Variants in ATP9B observed in about 807,000 individuals in gnomAD.
ATP9B encodes probable phospholipid-transporting ATPase IIB.
ATP9B carries 110 observed loss-of-function variants against 146.1 expected under a neutral mutation model. The observed-to-expected ratio is 0.75, with a 90% CI of 0.65 to 0.88. ATP9B has a LOEUF of 0.88. ATP9B is among the 40% of genes least tolerant of loss of function. ATP9B has a pLI of 0.00. For missense variants in ATP9B, 1,499 were observed against 1,496.4 expected, an observed-to-expected ratio of 1.00 and a Z score of -0.03; for synonymous variants, 604 against 569.7, an observed-to-expected ratio of 1.06 and a Z score of -0.86.
intron 2 of ATP9B, among the ~76,000 whole-genome samples, chr18:79,103,083 C>T (rs1390885558): frequency 2.6e-5 from 4 of 152,092 alleles, no homozygotes; most frequent in African/African-American, 9.7e-5. Flanking sequence ...TTACTTCTTC[C>T]GTTATGGTCT....
intron 6 of ATP9B, chr18:79,146,866 A>G (rs955440298): frequency 6.6e-6 from 1 of 152,620 alleles, no homozygotes; most frequent in Non-Finnish European, 1.5e-5. Context: ...CTGAAAACAA[A>G]TAATAAAATG....
rs374399307 is a variant in ATP9B, at chr18:79,099,382, C to T, written c.293+2733C>T. Among the ~76,000 whole-genome samples the T allele has an allele frequency of 8.2e-4, 125 of 152,122 alleles. 2 individuals carry two copies. Among genetic ancestry groups the T allele is most frequent in the African/African-American group, 1.2e-3 (50 of 41,514 alleles). ...GACTACAGATGTGCACCAGCATCCC[C>T]GGCTAATTTTTGTATTTTTAGTAGA... On this transcript the variant is annotated intron_variant, in intron 2 of 29. Coordinates refer to ENST00000426216, the MANE Select transcript of ATP9B (RefSeq NM_198531.5).
chr18:79,340,963 G>C (rs1050947007), intron 19 of ATP9B, among the ~76,000 whole-genome samples: 1 of 152,188 alleles, frequency 6.6e-6, no homozygotes, highest in Non-Finnish European at 1.5e-5. Context: ...GGAATCCTTT[G>C]TGGTAGGCAC....
chr18:79,311,737 C>T (rs758539679), intron 15 of ATP9B, among the ~76,000 whole-genome samples: 25 of 152,240 alleles, frequency 1.6e-4, no homozygotes, highest in Admixed American at 3.9e-4. Flanking sequence ...ACTCATCTCC[C>T]CTCAGACTCT....
At chr18:79,138,543 C>T (rs1027347260) in intron 5 of ATP9B, among the ~76,000 whole-genome samples, 1 of 152,154 alleles carries the variant, frequency 6.6e-6, no homozygotes, top group African/African-American at 2.4e-5. Context: ...AGTAATTTGG[C>T]AATGAGTCTA....
intron 7 of ATP9B, among the ~76,000 whole-genome samples, chr18:79,155,753 CTTTTTTTTTTTTTT>C (rs56002235): frequency 9.5e-5 from 7 of 74,074 alleles, no homozygotes; most frequent in East Asian, 4.8e-4. Context: ...TGTTTTCTCT[CTTTTTTTTTTTTTT>C]TTTTTTTTTT....
intron 25 of ATP9B, among the ~76,000 whole-genome samples, chr18:79,356,980 T>C (rs866274362): frequency 4.6e-4 from 3 of 6,516 alleles, no homozygotes; most frequent in East Asian, 0.042. Flanking sequence ...TGGAGGTGTC[T>C]GTGTGAGGGG....
At chr18:79,168,279 C>G (rs948119141) in intron 7 of ATP9B, among the ~76,000 whole-genome samples, 7 of 152,086 alleles carry the variant, frequency 4.6e-5, no homozygotes, top group Non-Finnish European at 8.8e-5. Flanking sequence ...TGGCTGCATC[C>G]TGCGGGGGGA....
intron 15 of ATP9B, among the ~76,000 whole-genome samples, chr18:79,327,633 C>CT (rs2096760530): frequency 4.4e-5 from 2 of 45,684 alleles, no homozygotes; most frequent in Admixed American, 2.6e-4. Context: ...GTTAGTGTGC[C>CT]CTCCCTGGTT....
At chr18:79,376,174 C>CAA (rs2097100813) in intron 29 of ATP9B, 1 of 309,662 alleles carries the variant, frequency 3.2e-6, no homozygotes, top group Admixed American at 1.9e-4. Flanking sequence ...ACCTTAGAAA[C>CAA]ACACACACAC....
chr18:79,334,618 TG>T (rs145757299), intron 17 of ATP9B, among the ~76,000 whole-genome samples: 3,681 of 151,910 alleles, frequency 0.024, 122 homozygotes, highest in African/African-American at 0.077. Context: ...CGACACCCCC[TG>T]GGGCTGTCCG....
intron 12 of ATP9B, among the ~76,000 whole-genome samples, chr18:79,269,038 G>A (rs749595087): frequency 3.9e-5 from 6 of 152,138 alleles, no homozygotes; most frequent in Non-Finnish European, 8.8e-5. Flanking sequence ...GTTGAGGTAC[G>A]ATGTTTCTTT....
chr18:79,118,762 CA>C (rs750685206), intron 4 of ATP9B, among the ~76,000 whole-genome samples: 12 of 151,874 alleles, frequency 7.9e-5, no homozygotes, highest in Admixed American at 3.9e-4. Flanking sequence ...ATAGCTTTCA[CA>C]GTTGTATTTA....
chr18:79,191,971 A>T (rs2095371018), intron 8 of ATP9B, among the ~76,000 whole-genome samples: 1 of 152,056 alleles, frequency 6.6e-6, no homozygotes, highest in South Asian at 2.1e-4. Context: ...GTTCTGTTTT[A>T]ACTGGTAGCT....
rs908877574 is a variant in ATP9B at position 79,298,516 on chromosome 18, A to C, written c.1412-5088A>C. ...ATGGACCTCAAGTCTCCACACACTA[A>C]AAATGTCACTTCTCTTTTCGATATT... On this transcript the variant is annotated intron_variant, in intron 13 of 29. Coordinates refer to ENST00000426216, the MANE Select transcript of ATP9B (RefSeq NM_198531.5). Among the ~76,000 whole-genome samples the C allele has an allele frequency of 2.0e-5, 3 of 146,942 alleles. 1 individual carries two copies. Among genetic ancestry groups the C allele is most frequent in the Non-Finnish European group, 4.5e-5 (3 of 66,198 alleles).
chr18:79,243,591 G>A (rs765093403), intron 11 of ATP9B, among the ~76,000 whole-genome samples: 5 of 152,200 alleles, frequency 3.3e-5, no homozygotes, highest in Admixed American at 6.5e-5. Context: ...ACTAGGTCCT[G>A]TAACATCTCT....
chr18:79,342,407 G>A (rs761848479), intron 20 of ATP9B, 41 bp downstream of exon 20: 3 of 1,391,458 alleles, frequency 2.2e-6, no homozygotes, highest in Non-Finnish European at 3.0e-6. Context: ...TTAAACATTT[G>A]TCTCACACAA....
intron 8 of ATP9B, among the ~76,000 whole-genome samples, chr18:79,179,115 C>T (rs887193139): frequency 6.6e-6 from 1 of 152,172 alleles, no homozygotes; most frequent in African/African-American, 2.4e-5. Flanking sequence ...AAGTTGACAA[C>T]ATTAATGGCA....
rs527450613 is a variant in ATP9B at position 79,245,866 on chromosome 18, T to A, written c.1108-7515T>A. Among the ~76,000 whole-genome samples, 108 of 131,532 alleles carry A rather than the reference T, an allele frequency of 8.2e-4. 3 individuals are homozygous for A. Among genetic ancestry groups the A allele is most frequent in the African/African-American group, 3.0e-3 (102 of 33,986 alleles). The allele number at this position is 131,532 out of a possible 152,430, so 86.3% of individuals were successfully genotyped here. The stretch of plus-strand genomic sequence containing the variant: ...CTGACTGCGGAGGGCACCGCCCTAC[T>A]GTCTGTGCGGAGGGCACCGCTCTAC... On this transcript the variant is annotated intron_variant, in intron 11 of 29. Coordinates refer to ENST00000426216, the MANE Select transcript of ATP9B (RefSeq NM_198531.5).
Sources: gnomAD v4.1 joint callset for allele counts (sites outside exome capture counted in the v4.1 genomes callset) on GRCh38, gnomAD v4.1.1 for gene constraint, MANE v1.5 for transcripts, NCBI Gene and HGNC (gene_info 2026-07-23, HGNC 2026-07-21) for gene names.